The following PKIA variants were observed in gnomAD, a reference collection of about 807,000 sequenced individuals.
PKIA encodes cAMP-dependent protein kinase inhibitor alpha, also known as PKI-alpha.
In PKIA, 4 loss-of-function variants were observed where a neutral mutation model predicts 7.6. The ratio of observed to expected loss-of-function variants is 0.52; its 90% CI spans 0.26 to 1.20. The LOEUF (loss-of-function observed/expected upper bound fraction) is 1.20, where lower values mean the gene tolerates loss of function less well. PKIA is among the 50% of genes most tolerant of loss of function. The pLI, the probability that PKIA is intolerant of heterozygous loss-of-function variation, is 0.13. For missense variants in PKIA, 73 were observed against 86.2 expected (o/e 0.85, Z 0.61); for synonymous variants, 21 against 30.7 (o/e 0.68, Z 1.04).
In PKIA at chr8:78,554,480, A is replaced by T. The variant is rs188699732; in HGVS notation, c.-156-18331A>T. 5.3e-5 allele frequency among the ~76,000 whole-genome samples: 8 copies of T among 151,800 alleles called. No homozygotes were observed. In the East Asian group the frequency reaches 1.5e-3, roughly 29 times the overall value. ...AGGCTTAGGTAAAGGGCAAGCTAAG[A>T]AATTGTTGAAGGCCTTGCACATTTA... On this transcript the variant is annotated intron_variant, in intron 1 of 3. Coordinates refer to ENST00000396418, the MANE Select transcript of PKIA (RefSeq NM_006823.4).
intron 1 of PKIA, among the ~76,000 whole-genome samples, chr8:78,540,222 G>C (rs1201938474): frequency 4.6e-5 from 7 of 151,956 alleles, no homozygotes; most frequent in Admixed American, 4.6e-4. Flanking sequence ...TAGGTCTCGA[G>C]GGTGCCAGCT....
intron 1 of PKIA, among the ~76,000 whole-genome samples, chr8:78,538,513 A>G (rs1230484180): frequency 6.6e-6 from 1 of 152,040 alleles, no homozygotes; most frequent in Non-Finnish European, 1.5e-5. Context: ...GTAGTAAATA[A>G]CAGTGATTCT....
At chr8:78,528,891 C>T (rs1043622653) in intron 1 of PKIA, among the ~76,000 whole-genome samples, 1 of 151,868 alleles carries the variant, frequency 6.6e-6, no homozygotes, top group Non-Finnish European at 1.5e-5. Flanking sequence ...GTTATATACT[C>T]ATATTTCATA....
chr8:78,539,745 A>G (rs1806626314), intron 1 of PKIA, among the ~76,000 whole-genome samples: 1 of 151,608 alleles, frequency 6.6e-6, no homozygotes, highest in Non-Finnish European at 1.5e-5. Context: ...AAAGGGTAAA[A>G]TTAATTAAAG....
intron 1 of PKIA, among the ~76,000 whole-genome samples, chr8:78,536,811 A>T (rs1341690033): frequency 1.3e-5 from 2 of 151,714 alleles, no homozygotes; most frequent in Non-Finnish European, 2.9e-5. Context: ...TGTAGAAAGA[A>T]AATATGTTTT....
In PKIA at chr8:78,589,778, G is replaced by A. The variant is rs569896637; in HGVS notation, c.-27-8580G>A. Among the ~76,000 whole-genome samples the A allele has an allele frequency of 2.6e-5, 4 of 151,676 alleles. No homozygotes were observed. The East Asian group carries it at 5.8e-4, about 22-fold the overall frequency. On this transcript the variant is annotated intron_variant, in intron 2 of 3. Coordinates refer to ENST00000396418, the MANE Select transcript of PKIA (RefSeq NM_006823.4). ...AAAAAAATTCATTTTCTTGAATCTC[G>A]ACCTTTGAGTACACATGTTTTTAAT...
intron 2 of PKIA, among the ~76,000 whole-genome samples, chr8:78,585,114 T>A (rs578209398): frequency 5.3e-5 from 8 of 152,110 alleles, no homozygotes; most frequent in South Asian, 2.1e-4. Context: ...TTATAAAAAA[T>A]TTTTTTATTT....
At chr8:78,524,012 A>ATATATAAACGTT (rs1277429301) in intron 1 of PKIA, among the ~76,000 whole-genome samples, 1 of 124,402 alleles carries the variant, frequency 8.0e-6, no homozygotes, top group Non-Finnish European at 1.7e-5. Flanking sequence ...ATATATAAAT[A>ATATATAAACGTT]TATATAAACG....
intron 1 of PKIA, among the ~76,000 whole-genome samples, chr8:78,518,495 T>C (rs1379419835): frequency 6.6e-6 from 1 of 152,190 alleles, no homozygotes; most frequent in Non-Finnish European, 1.5e-5. Context: ...AATTTTAATA[T>C]AGTTATTCTA....
chr8:78,553,483 TG>T (rs1009760466), intron 1 of PKIA, among the ~76,000 whole-genome samples: 2 of 152,000 alleles, frequency 1.3e-5, no homozygotes, highest in African/African-American at 4.8e-5. Flanking sequence ...ATAGAAGAAT[TG>T]TTTGTTTTAT....
At chr8:78,575,510 A>C (rs970539508) in intron 2 of PKIA, among the ~76,000 whole-genome samples, 1 of 151,956 alleles carries the variant, frequency 6.6e-6, no homozygotes, top group Non-Finnish European at 1.5e-5. Context: ...AATGTAAAAA[A>C]TGTGTATATT....
chr8:78,567,869 C>T (rs551401534), intron 1 of PKIA, among the ~76,000 whole-genome samples: 1 of 152,218 alleles, frequency 6.6e-6, no homozygotes, highest in East Asian at 1.9e-4. Flanking sequence ...CCATCTTAAC[C>T]ATTATGAACT....
chr8:78,586,646 TTGAGA>T (rs746946460), intron 2 of PKIA, among the ~76,000 whole-genome samples: 107 of 152,286 alleles, frequency 7.0e-4, no homozygotes, highest in Admixed American at 2.4e-3. Flanking sequence ...CCAGATACTG[TTGAGA>T]TATCAATAGA....
chr8:78,585,260 A>G (rs995468895), intron 2 of PKIA, among the ~76,000 whole-genome samples: 2 of 152,036 alleles, frequency 1.3e-5, no homozygotes, highest in African/African-American at 4.8e-5. Context: ...TCATTAGCCA[A>G]ATTGATACTT....
intron 1 of PKIA, among the ~76,000 whole-genome samples, chr8:78,565,797 G>A (rs1164324283): frequency 6.6e-6 from 1 of 151,768 alleles, no homozygotes; most frequent in African/African-American, 2.4e-5. Flanking sequence ...TCACTTTTCT[G>A]TTATTATTTA....
chr8:78,531,157 GT>G (rs1298738244), intron 1 of PKIA, among the ~76,000 whole-genome samples: 1 of 152,078 alleles, frequency 6.6e-6, no homozygotes, highest in Non-Finnish European at 1.5e-5. Context: ...TTTCAGCGGA[GT>G]TTTTACATTT....
chr8:78,563,892 A>G (rs1807341224), intron 1 of PKIA, among the ~76,000 whole-genome samples: 1 of 152,134 alleles, frequency 6.6e-6, no homozygotes, highest in Non-Finnish European at 1.5e-5. Flanking sequence ...GGAATAATCT[A>G]TAAGGAGTAG....
chr8:78,518,264 T>A (rs1809352904), intron 1 of PKIA, among the ~76,000 whole-genome samples: 1 of 152,184 alleles, frequency 6.6e-6, no homozygotes, highest in African/African-American at 2.4e-5. Context: ...CTTAATAACC[T>A]TATGTTCCTT....
At chr8:78,531,126 T>G (rs566899034) in intron 1 of PKIA, among the ~76,000 whole-genome samples, 7 of 152,120 alleles carry the variant, frequency 4.6e-5, no homozygotes, top group South Asian at 2.1e-4. Flanking sequence ...TGTAAGTACT[T>G]GAGGTTCTTT....
Sources: allele counts gnomAD v4.1 joint callset (sites outside exome capture counted in the v4.1 genomes callset), GRCh38; gene constraint gnomAD v4.1.1; transcripts MANE v1.5; gene names NCBI Gene and HGNC (gene_info 2026-07-23, HGNC 2026-07-21).